The following GRIP1 variants were observed in gnomAD, a reference collection of about 807,000 sequenced individuals.
The protein encoded by GRIP1 is glutamate receptor interacting protein 1, also known as glutamate receptor-interacting protein 1.
A neutral mutation model predicts 129.9 loss-of-function variants in GRIP1; 45 were observed. That is an observed-to-expected ratio of 0.35 (90% CI 0.27 to 0.44). The LOEUF is 0.44. Among genes scored for constraint, GRIP1 ranks in the 20% least tolerant of loss-of-function variants. The probability of loss-of-function intolerance (pLI) is 1.00; values close to 1 mark genes in which losing one functional copy is unlikely to be tolerated. For synonymous variants in GRIP1, 530 were observed against 520.8 expected (o/e 1.02, Z -0.24); for missense variants, 1,196 against 1,396.8 (o/e 0.86, Z 2.29).
At chr12:67,033,045 T>C (rs950361751) in intron 1 of GRIP1, among the ~76,000 whole-genome samples, 1 of 152,054 alleles carries the variant, frequency 6.6e-6, no homozygotes, top group South Asian at 2.1e-4. Context: ...AATTTCTTAA[T>C]AGCAATATGT....
intron 1 of GRIP1, among the ~76,000 whole-genome samples, chr12:66,954,190 T>C (rs1441186673): frequency 6.6e-6 from 1 of 152,214 alleles, no homozygotes; most frequent in East Asian, 1.9e-4. Context: ...ATCTCTTCCC[T>C]TCTGCTAATT....
chr12:66,630,664 A>G (rs968542064), intron 1 of GRIP1, among the ~76,000 whole-genome samples: 3 of 152,216 alleles, frequency 2.0e-5, no homozygotes, highest in Admixed American at 2.0e-4. Context: ...GGGCATGGAC[A>G]TGAGGGCAGT....
intron 16 of GRIP1, among the ~76,000 whole-genome samples, chr12:66,404,931 C>A (rs926012857): frequency 6.6e-6 from 1 of 152,134 alleles, no homozygotes; most frequent in Admixed American, 6.5e-5. Flanking sequence ...ACTCAGGAGG[C>A]TGAGGCACAA....
chr12:66,521,572 G>A (rs556390055), intron 5 of GRIP1, among the ~76,000 whole-genome samples: 6 of 152,326 alleles, frequency 3.9e-5, no homozygotes, highest in African/African-American at 1.4e-4. Flanking sequence ...CTCCCAGCGT[G>A]AGTGACGCAG....
intron 1 of GRIP1, among the ~76,000 whole-genome samples, chr12:66,709,954 TG>T (rs1437597810): frequency 6.6e-6 from 1 of 151,988 alleles, no homozygotes; most frequent in Non-Finnish European, 1.5e-5. Context: ...ATGATTAGAC[TG>T]GAATTATATG....
chr12:66,578,908 G>C (rs1231240014), intron 2 of GRIP1, among the ~76,000 whole-genome samples: 2 of 152,186 alleles, frequency 1.3e-5, no homozygotes, highest in East Asian at 3.9e-4. Context: ...GAGAGCAGTG[G>C]TTCTCCCAGC....
intron 1 of GRIP1, among the ~76,000 whole-genome samples, chr12:66,791,280 T>A (rs1473295900): frequency 6.6e-6 from 1 of 152,148 alleles, no homozygotes; most frequent in African/African-American, 2.4e-5. Context: ...GTAGCCTCTA[T>A]CTTCAGTTCA....
chr12:66,557,533 G>A (rs1477978357), intron 2 of GRIP1, among the ~76,000 whole-genome samples: 2 of 152,100 alleles, frequency 1.3e-5, no homozygotes, highest in East Asian at 3.8e-4. Flanking sequence ...TCCTCAGCAC[G>A]TGGATCATCC....
At chr12:66,488,675 G>A (rs189665262) in intron 7 of GRIP1, among the ~76,000 whole-genome samples, 6 of 151,182 alleles carry the variant, frequency 4.0e-5, no homozygotes, top group East Asian at 3.9e-4. Flanking sequence ...AAAAATCAAC[G>A]AATCTAGGAG....
upstream of GRIP1, among the ~76,000 whole-genome samples, chr12:66,680,860 A>G (rs1029919369): frequency 6.6e-6 from 1 of 152,140 alleles, no homozygotes; most frequent in Admixed American, 6.6e-5. Context: ...ACTCAAAACC[A>G]TACAGGAATC....
intron 1 of GRIP1, among the ~76,000 whole-genome samples, chr12:66,824,956 T>C (rs187361517): frequency 4.6e-5 from 7 of 152,270 alleles, no homozygotes; most frequent in African/African-American, 1.4e-4. Context: ...AGCTTTTTTT[T>C]CCCCAAAGCC....
intron 1 of GRIP1, among the ~76,000 whole-genome samples, chr12:66,767,572 T>TG (rs1555234966): frequency 2.5e-4 from 36 of 145,920 alleles, no homozygotes; most frequent in Admixed American, 1.6e-3. Flanking sequence ...GTCTCTGTAT[T>TG]AAAAAAAAAA....
intron 1 of GRIP1, among the ~76,000 whole-genome samples, chr12:66,796,159 A>T (rs996151138): frequency 6.6e-6 from 1 of 152,100 alleles, no homozygotes; most frequent in Non-Finnish European, 1.5e-5. Context: ...TAGCAACAGC[A>T]GTCCTGCAAA....
At chr12:67,022,386 T>C (rs1409219701) in intron 1 of GRIP1, among the ~76,000 whole-genome samples, 3 of 152,240 alleles carry the variant, frequency 2.0e-5, no homozygotes, top group African/African-American at 4.8e-5. Context: ...ACAAATAAGG[T>C]TGACATTAAC....
At chr12:66,852,262 C>A (rs2039925859) in intron 1 of GRIP1, among the ~76,000 whole-genome samples, 1 of 151,846 alleles carries the variant, frequency 6.6e-6, no homozygotes, top group Admixed American at 6.6e-5. Context: ...AATTTGATAT[C>A]TTTCCAAAAT....
chr12:66,750,697 G>C (rs1301694616), intron 1 of GRIP1, among the ~76,000 whole-genome samples: 1 of 152,110 alleles, frequency 6.6e-6, no homozygotes, highest in Non-Finnish European at 1.5e-5. Flanking sequence ...TAACAACTTT[G>C]AATAAATCTG....
At chr12:66,489,521 C>G (rs947006454) in intron 7 of GRIP1, among the ~76,000 whole-genome samples, 5 of 152,100 alleles carry the variant, frequency 3.3e-5, no homozygotes, top group Non-Finnish European at 7.3e-5. Flanking sequence ...ACTGAATGGG[C>G]AAAAGCTGGA....
chr12:66,991,576 A>G (rs1257350308), intron 1 of GRIP1, among the ~76,000 whole-genome samples: 1 of 152,250 alleles, frequency 6.6e-6, no homozygotes, highest in Admixed American at 6.5e-5. Context: ...TCTGAGTAAA[A>G]GAATACAAGA....
At chr12:66,652,532 G>A (rs1380800088) in intron 1 of GRIP1, among the ~76,000 whole-genome samples, 2 of 152,192 alleles carry the variant, frequency 1.3e-5, no homozygotes, top group African/African-American at 4.8e-5. Flanking sequence ...GAAAACGTAG[G>A]AGATAGTGCT....
Sources: gnomAD v4.1 joint callset for allele counts (sites outside exome capture counted in the v4.1 genomes callset) on GRCh38, gnomAD v4.1.1 for gene constraint, MANE v1.5 for transcripts, NCBI Gene and HGNC (gene_info 2026-07-23, HGNC 2026-07-21) for gene names.